PITPNC1: variants seen among roughly 807,000 people sequenced by gnomAD.
PITPNC1 encodes the protein phosphatidylinositol transfer protein cytoplasmic 1.
In PITPNC1, 18 loss-of-function variants were observed where a neutral mutation model predicts 44.7. The ratio of observed to expected loss-of-function variants is 0.40; its 90% confidence interval spans 0.28 to 0.60. The LOEUF is 0.60. PITPNC1 is among the 20% of genes least tolerant of loss of function. PITPNC1 has a pLI of 0.39. For synonymous variants in PITPNC1, 141 were observed against 149.6 expected, an observed-to-expected ratio of 0.94 and a Z score of 0.42; for missense variants, 290 against 418.4, an observed-to-expected ratio of 0.69 and a Z score of 2.68.
At chr17:67,524,748 C>CTTTTTTTTTTTTT (rs1000220869) in intron 1 of PITPNC1, 1 of 6,650 alleles carries the variant, frequency 1.5e-4, no homozygotes, top group Non-Finnish European at 2.4e-4. Context: ...TGAAGGTTTT[C>CTTTTTTTTTTTTT]TTTTTTTTTT....
Position 67,527,384 on chromosome 17 carries a change from A to G in PITPNC1, c.49-5418A>G, listed in dbSNP as rs552628163. On this transcript the variant is annotated intron_variant, in intron 1 of 8. Coordinates refer to ENST00000581322, the MANE Select transcript of PITPNC1 (RefSeq NM_012417.4). ...TCAGCTTCCTCGTCTGTCAATACTC[A>G]CTTGTCTGAATCATTGAGAGATTAG... Among the ~76,000 whole-genome samples, 3 of 152,242 alleles carry G rather than the reference A, an allele frequency of 2.0e-5. No homozygotes were observed. In the East Asian group the frequency reaches 5.8e-4, roughly 29 times the overall value.
At chr17:67,499,101 T>C (rs2039994765) in intron 1 of PITPNC1, among the ~76,000 whole-genome samples, 1 of 152,182 alleles carries the variant, frequency 6.6e-6, no homozygotes, top group Non-Finnish European at 1.5e-5. Context: ...CTCGAACTCC[T>C]GACCTCCAGT....
At chr17:67,448,800 G>A (rs565505081) in intron 1 of PITPNC1, among the ~76,000 whole-genome samples, 1 of 152,304 alleles carries the variant, frequency 6.6e-6, no homozygotes, top group East Asian at 1.9e-4. Context: ...GTTTGTTTGA[G>A]ATGGGGTCTT....
chr17:67,433,248 C>G (rs938055436), intron 1 of PITPNC1, among the ~76,000 whole-genome samples: 6 of 152,110 alleles, frequency 3.9e-5, no homozygotes, highest in Admixed American at 3.9e-4. Flanking sequence ...CAAGGGAAGC[C>G]AGACCTAGAA....
chr17:67,409,799 A>G (rs554164576), intron 1 of PITPNC1, among the ~76,000 whole-genome samples: 136 of 152,260 alleles, frequency 8.9e-4, no homozygotes, highest in Non-Finnish European at 1.6e-3. Context: ...TGGCCTCCCA[A>G]AGTGCTGGGA....
intron 5 of PITPNC1, among the ~76,000 whole-genome samples, chr17:67,614,322 C>A (rs1475662320): frequency 6.6e-6 from 1 of 151,640 alleles, no homozygotes; most frequent in South Asian, 2.1e-4. Context: ...TTTATTCTTT[C>A]CAAAATAAAG....
chr17:67,644,184 G>T (rs2042120853), intron 6 of PITPNC1, among the ~76,000 whole-genome samples: 1 of 152,222 alleles, frequency 6.6e-6, no homozygotes, highest in Admixed American at 6.5e-5. Context: ...TACATTTGCT[G>T]TTTGTTTTGT....
intron 1 of PITPNC1, chr17:67,457,956 T>A (rs2039279361): frequency 6.6e-6 from 1 of 152,220 alleles, no homozygotes; most frequent in South Asian, 2.1e-4. Context: ...TCAGATTCAC[T>A]CACGCTTCTC....
intron 1 of PITPNC1, chr17:67,524,460 G>C (rs538642683): frequency 6.7e-6 from 1 of 148,468 alleles, no homozygotes; most frequent in Admixed American, 6.7e-5. Flanking sequence ...AAATAAGAAA[G>C]AAAAGGAAAA....
At chr17:67,431,599 A>T (rs1461728255) in intron 1 of PITPNC1, among the ~76,000 whole-genome samples, 1 of 152,218 alleles carries the variant, frequency 6.6e-6, no homozygotes, top group Non-Finnish European at 1.5e-5. Flanking sequence ...AGAATAAGAA[A>T]GGGGATGTGC....
At chr17:67,420,172 C>T (rs1474577394) in intron 1 of PITPNC1, among the ~76,000 whole-genome samples, 1 of 152,132 alleles carries the variant, frequency 6.6e-6, no homozygotes, top group South Asian at 2.1e-4. Flanking sequence ...ATTAGTGAGT[C>T]TTTTCATGAC....
At chr17:67,622,301 A>G (rs1439670678) in intron 5 of PITPNC1, among the ~76,000 whole-genome samples, 1 of 151,052 alleles carries the variant, frequency 6.6e-6, no homozygotes, top group Non-Finnish European at 1.5e-5. Flanking sequence ...GAAGAGACCC[A>G]TAAAGAGTAT....
intron 5 of PITPNC1, among the ~76,000 whole-genome samples, chr17:67,628,040 C>A (rs1445289116): frequency 6.6e-6 from 1 of 151,390 alleles, no homozygotes; most frequent in African/African-American, 2.4e-5. Flanking sequence ...GATTCTCATG[C>A]CTCAGTCTCC....
At chr17:67,397,968 CT>C (rs1390135914) in intron 1 of PITPNC1, among the ~76,000 whole-genome samples, 1 of 152,034 alleles carries the variant, frequency 6.6e-6, no homozygotes, top group African/African-American at 2.4e-5. Context: ...TGGCGGGCAC[CT>C]GTAGTCCCAA....
At chr17:67,460,709 CCGG>C (rs1410129172) in intron 1 of PITPNC1, among the ~76,000 whole-genome samples, 1 of 150,902 alleles carries the variant, frequency 6.6e-6, no homozygotes, top group Non-Finnish European at 1.5e-5. Flanking sequence ...GCCACCGTGC[CCGG>C]CCCTTTCTTT....
rs1360294594 is a variant in PITPNC1 at position 67,401,353 on chromosome 17, G to T, written c.48+23151G>T. 2.0e-5 allele frequency among the ~76,000 whole-genome samples: 3 copies of T among 152,082 alleles called. No homozygotes were observed. The East Asian group carries it at 5.8e-4, about 29-fold the overall frequency. The stretch of plus-strand genomic sequence containing the variant: ...CTTGGATGGCAATCATCTTGCCTTT[G>T]GGCTTAATACCAGCCATCGCTTGGG... On this transcript the variant is annotated intron_variant, in intron 1 of 8. Coordinates refer to ENST00000581322, the MANE Select transcript of PITPNC1 (RefSeq NM_012417.4).
intron 6 of PITPNC1, among the ~76,000 whole-genome samples, chr17:67,648,269 T>C (rs796104589): frequency 2.0e-4 from 31 of 152,328 alleles, no homozygotes; most frequent in African/African-American, 7.2e-4. Context: ...TTAAGCTATC[T>C]CTAGGCCAAA....
rs953775004 is a variant in PITPNC1, at chr17:67,640,077, A to T, written c.462+7839A>T. Among the ~76,000 whole-genome samples the T allele has an allele frequency of 2.7e-5, 4 of 150,136 alleles. No individual in the cohort carries two copies. The East Asian group carries it at 7.8e-4, about 29-fold the overall frequency. ...AAGTTCACTTGGTTGTGCTGTTATTATCTTTTTTTTTTTCCCGTTTCCCTC... is the reference window on the plus strand; with the variant it reads ...AAGTTCACTTGGTTGTGCTGTTATTTTCTTTTTTTTTTTCCCGTTTCCCTC... On this transcript the variant is annotated intron_variant, in intron 6 of 8. Coordinates refer to ENST00000581322, the MANE Select transcript of PITPNC1 (RefSeq NM_012417.4).
At chr17:67,499,388 TA>T (rs71354075) in intron 1 of PITPNC1, among the ~76,000 whole-genome samples, 7,520 of 151,892 alleles carry the variant, frequency 0.05, 243 homozygotes, top group Middle Eastern at 0.1. Flanking sequence ...GTAATTTTTT[TA>T]TTTTTTTGTA....
Sources: gnomAD v4.1 joint callset for allele counts (sites outside exome capture counted in the v4.1 genomes callset) on GRCh38, gnomAD v4.1.1 for gene constraint, MANE v1.5 for transcripts, NCBI Gene and HGNC (gene_info 2026-07-23, HGNC 2026-07-21) for gene names.